UGT1A10: variants seen among roughly 807,000 people sequenced by gnomAD.
UGT1A10 encodes the protein UDP-glucuronosyltransferase 1A10.
Under a neutral mutation model 45.8 loss-of-function variants are expected in UGT1A10, and 49 were observed. That is an observed-to-expected ratio of 1.07 (90% confidence interval 0.85 to 1.36). UGT1A10 has a LOEUF of 1.36. Among genes scored for constraint, UGT1A10 ranks in the 40% most tolerant of loss-of-function variants. The pLI is 0.00. For missense variants in UGT1A10, 745 were observed against 668.6 expected, an observed-to-expected ratio of 1.11 and a Z score of -1.26; for synonymous variants, 284 against 249.7, an observed-to-expected ratio of 1.14 and a Z score of -1.29.
At chr2:233,743,335 G>C (rs534297671) in intron 1 of UGT1A10, 1 of 800,282 alleles carries the variant, frequency 1.2e-6, no homozygotes, top group East Asian at 6.3e-5. Flanking sequence ...AACTATTTCA[G>C]TGGAAGTCGA....
chr2:233,772,602 G>A lies in UGT1A10; in HGVS notation c.*43G>A. 6.3e-7 allele frequency: 1 copy of A among 1,589,502 alleles called. No individual in the cohort carries two copies. Among genetic ancestry groups the A allele is most frequent in the Non-Finnish European group, 8.6e-7 (1 of 1,167,066 alleles). On this transcript the variant is annotated 3_prime_UTR_variant, in exon 5 of 5. Transcript: ENST00000344644. The stretch of plus-strand genomic sequence containing the variant: ...AGGTAAAATTTTGAACCATTCCCTA[G>A]TCATTTCCAAACTTGAAAACAGAAT...
At chr2:233,672,090 G>A (rs139255934) in intron 1 of UGT1A10, 20 of 1,614,032 alleles carry the variant, frequency 1.2e-5, no homozygotes, top group Non-Finnish European at 2.5e-6. Context: ...TTCTCAGGGG[G>A]CATGAGGTGG....
At chr2:233,670,236 G>T (rs1205352658) in intron 1 of UGT1A10, among the ~76,000 whole-genome samples, 2 of 152,202 alleles carry the variant, frequency 1.3e-5, no homozygotes, top group Non-Finnish European at 2.9e-5. Flanking sequence ...GTCCTCCATT[G>T]AGTAGGCTGA....
At chr2:233,648,164 T>C in intron 1 of UGT1A10, 6 of 1,077,880 alleles carry the variant, frequency 5.6e-6, no homozygotes, top group Non-Finnish European at 6.6e-6. Flanking sequence ...TCTCTATTAA[T>C]GAGTTCATCC....
At chr2:233,707,081 A>G (rs1294387634) in intron 1 of UGT1A10, among the ~76,000 whole-genome samples, 1 of 152,056 alleles carries the variant, frequency 6.6e-6, no homozygotes, top group Non-Finnish European at 1.5e-5. Flanking sequence ...CATGTGCTCC[A>G]CTTTGCATGG....
intron 1 of UGT1A10, chr2:233,648,321 C>T (rs1487189509): frequency 2.8e-5 from 15 of 526,754 alleles, no homozygotes; most frequent in Admixed American, 6.9e-5. Flanking sequence ...ATTTCTCCCT[C>T]CTCTCGGTGG....
chr2:233,717,929 C>T, intron 1 of UGT1A10: 1 of 454,714 alleles, frequency 2.2e-6, no homozygotes, highest in Non-Finnish European at 4.4e-6. Context: ...ATGGATACTT[C>T]AGTCTCTATG....
At chr2:233,668,243 C>CCCCG (rs2074117268) in intron 1 of UGT1A10, among the ~76,000 whole-genome samples, 1 of 152,060 alleles carries the variant, frequency 6.6e-6, no homozygotes, top group Non-Finnish European at 1.5e-5. Context: ...GTGCGATATT[C>CCCCG]CCCGCCCTGT....
chr2:233,772,331 C>G lies in UGT1A10; in HGVS notation c.1365C>G (p.Ala455=). ...GCCCGGTGGAGCCGCTGGACCTGGC[C>G]GTGTTCTGGGTGGAGTTTGTGATGA... ...KDRPVEPLDL[A]VFWVEFVMRH... Residue 455 remains alanine (A), a synonymous_variant, in exon 5 of 5, where the codon GCC becomes GCG. Coordinates refer to ENST00000344644, the MANE Select transcript of UGT1A10 (RefSeq NM_019075.4). The G allele has an allele frequency of 6.2e-7, 1 of 1,614,136 alleles. No individual in the cohort carries two copies. The highest frequency in any genetic ancestry group is 8.5e-7 in the Non-Finnish European group (1 of 1,180,034).
chr2:233,674,514 C>G (rs1159534738), intron 1 of UGT1A10, among the ~76,000 whole-genome samples: 1 of 152,100 alleles, frequency 6.6e-6, no homozygotes, highest in African/African-American at 2.4e-5. Context: ...TTTATTGTGC[C>G]TCACAGCGTC....
intron 1 of UGT1A10, among the ~76,000 whole-genome samples, chr2:233,682,977 T>C (rs1213676432): frequency 6.6e-6 from 1 of 152,212 alleles, no homozygotes; most frequent in African/African-American, 2.4e-5. Context: ...CTCTTGTTGA[T>C]ATGTAAGTGT....
intron 3 of UGT1A10, 91 bp from the exon 4 acceptor site, chr2:233,768,129 T>C: frequency 1.2e-6 from 2 of 1,606,026 alleles, no homozygotes; most frequent in East Asian, 4.5e-5. Context: ...TGAGTAACAC[T>C]GAGTCTTTGG....
At chr2:233,693,013 C>A (rs1474583069) in intron 1 of UGT1A10, 1 of 1,614,116 alleles carries the variant, frequency 6.2e-7, no homozygotes, top group Non-Finnish European at 8.5e-7. Context: ...GGATGGCCTG[C>A]CTCCTTCGCT....
At chr2:233,729,604 G>C in intron 1 of UGT1A10, 2 of 1,613,996 alleles carry the variant, frequency 1.2e-6, no homozygotes, top group Non-Finnish European at 1.7e-6. Context: ...CTGCGCGGCA[G>C]TGCTGGCTAA....
chr2:233,657,011 G>A (rs1434917198), intron 1 of UGT1A10, among the ~76,000 whole-genome samples: 9 of 151,314 alleles, frequency 5.9e-5, no homozygotes, highest in Non-Finnish European at 1.2e-4. Context: ...ACCTTTCTAC[G>A]TCTTTATGAA....
intron 1 of UGT1A10, chr2:233,693,199 G>A: frequency 6.2e-7 from 1 of 1,614,108 alleles, no homozygotes; most frequent in Non-Finnish European, 8.5e-7. Context: ...AAGTTAATTT[G>A]CTTTTGAAAG....
intron 1 of UGT1A10, among the ~76,000 whole-genome samples, chr2:233,644,296 G>A (rs986064544): frequency 3.3e-5 from 5 of 152,160 alleles, no homozygotes; most frequent in Admixed American, 1.3e-4. Flanking sequence ...TGCTGGGCAC[G>A]GTGGCTCATG....
At chr2:233,733,213 G>T (rs974647269) in intron 1 of UGT1A10, among the ~76,000 whole-genome samples, 1 of 152,158 alleles carries the variant, frequency 6.6e-6, no homozygotes, top group African/African-American at 2.4e-5. Flanking sequence ...TTTGGGCTGA[G>T]ACAATGGGGT....
chr2:233,642,870 G>GTC (rs1202277598), intron 1 of UGT1A10, among the ~76,000 whole-genome samples: 52 of 151,252 alleles, frequency 3.4e-4, no homozygotes, highest in South Asian at 2.1e-3. Flanking sequence ...AAAATACAGA[G>GTC]TCTCTCTCTC....
Sources: gnomAD v4.1 joint callset for allele counts (sites outside exome capture counted in the v4.1 genomes callset) on GRCh38, gnomAD v4.1.1 for gene constraint, MANE v1.5 for transcripts, NCBI Gene and HGNC (gene_info 2026-07-23, HGNC 2026-07-21) for gene names.